The following MEGF11 variants were observed in gnomAD, a reference collection of about 807,000 sequenced individuals.
The protein encoded by MEGF11 is multiple epidermal growth factor-like domains protein 11.
MEGF11 carries 126 observed loss-of-function variants against 146.6 expected under a neutral mutation model. The ratio of observed to expected loss-of-function variants is 0.86; its 90% confidence interval spans 0.74 to 1.00. MEGF11 has a LOEUF of 1.00. MEGF11 is among the 50% of genes least tolerant of loss of function. The probability of loss-of-function intolerance (pLI) is 0.00; values close to 1 mark genes in which losing one functional copy is unlikely to be tolerated. For synonymous variants in MEGF11, 532 were observed against 583.4 expected, an observed-to-expected ratio of 0.91 and a Z score of 1.27; for missense variants, 1,509 against 1,521.2, an observed-to-expected ratio of 0.99 and a Z score of 0.13.
At chr15:65,974,495 T>TA (rs1486815830) in intron 7 of MEGF11, among the ~76,000 whole-genome samples, 3 of 151,920 alleles carry the variant, frequency 2.0e-5, no homozygotes, top group East Asian at 1.9e-4. Context: ...CCATCTCTAG[T>TA]AAAAAATACA....
At chr15:66,146,399 A>G (rs1378665770) in intron 1 of MEGF11, among the ~76,000 whole-genome samples, 1 of 152,204 alleles carries the variant, frequency 6.6e-6, no homozygotes, top group African/African-American at 2.4e-5. Context: ...AGCAGACTAC[A>G]ACTTTTAATT....
intron 1 of MEGF11, among the ~76,000 whole-genome samples, chr15:66,162,718 G>C (rs1282979071): frequency 6.6e-6 from 1 of 152,100 alleles, no homozygotes; most frequent in Non-Finnish European, 1.5e-5. Context: ...GTCTGGGTGG[G>C]GCCACACAGG....
chr15:65,906,049 C>A, intron 24 of MEGF11, 36 bp downstream of exon 24: 1 of 1,550,928 alleles, frequency 6.4e-7, no homozygotes, highest in Non-Finnish European at 8.9e-7. Context: ...TCTTGCTAAG[C>A]CCTCTGTAAT....
intron 4 of MEGF11, among the ~76,000 whole-genome samples, chr15:66,111,104 A>G (rs2087375315): frequency 6.6e-6 from 1 of 152,218 alleles, no homozygotes; most frequent in African/African-American, 2.4e-5. Context: ...TGGACAAGTC[A>G]CTTAGCCTCT....
intron 5 of MEGF11, among the ~76,000 whole-genome samples, chr15:65,993,354 C>T (rs1480241206): frequency 6.6e-6 from 1 of 152,184 alleles, no homozygotes; most frequent in Admixed American, 6.5e-5. Context: ...GCTCAAAGCC[C>T]TCCCCTCCAC....
chr15:66,140,887 C>T (rs148705049), intron 1 of MEGF11, among the ~76,000 whole-genome samples: 84 of 152,228 alleles, frequency 5.5e-4, no homozygotes, highest in South Asian at 2.5e-3. Flanking sequence ...CGGGGACTTG[C>T]GAGCCCTTAC....
chr15:66,130,912 G>C (rs1014332954), intron 1 of MEGF11, among the ~76,000 whole-genome samples: 2 of 152,170 alleles, frequency 1.3e-5, no homozygotes, highest in Admixed American at 1.3e-4. Flanking sequence ...ATGACTGAGG[G>C]AAAATCAATC....
At position 66,224,305 on chromosome 15, in the gene MEGF11, T is replaced by G. The variant is rs143780409; in HGVS notation, c.-9+29300A>C. 5.3e-3 allele frequency among the ~76,000 whole-genome samples: 800 copies of G among 152,282 alleles called. 6 individuals are homozygous for G. Among genetic ancestry groups the G allele is most frequent in the African/African-American group, 0.017 (705 of 41,550 alleles). ...ATATAAAGTATCTGGCCGAGCACAGTGGCTCATGTCTGTAATCCCAGCACT... is the reference window on the plus strand; with the variant it reads ...ATATAAAGTATCTGGCCGAGCACAGGGGCTCATGTCTGTAATCCCAGCACT... On this transcript the variant is annotated intron_variant, in intron 1 of 25. Coordinates refer to ENST00000395614, the MANE Select transcript of MEGF11 (RefSeq NM_001385028.1).
At chr15:65,992,278 A>G (rs1302825015) in intron 5 of MEGF11, among the ~76,000 whole-genome samples, 1 of 152,160 alleles carries the variant, frequency 6.6e-6, no homozygotes, top group African/African-American at 2.4e-5. Flanking sequence ...GAGCAGTTTT[A>G]TCAGAGCCGG....
In MEGF11 at chr15:65,915,549, G is replaced by A. The variant is rs1461326090; in HGVS notation, c.2394C>T (p.Cys798=). ...FGYGCQQLCE[C]MNNSTCDHVT... ...CATGGTCACAGGTGGAGTTGTTCAT[G>A]CACTCACATAGCTGCTGACACCCAT... Residue 798 remains cysteine, a synonymous_variant, in exon 19 of 26, where the codon TGC becomes TGT. Transcript: ENST00000395614. The A allele has an allele frequency of 6.2e-7, 1 of 1,613,942 alleles. No individual in the cohort carries two copies.
intron 1 of MEGF11, among the ~76,000 whole-genome samples, chr15:66,203,908 T>C (rs1035165607): frequency 6.6e-6 from 1 of 152,198 alleles, no homozygotes; most frequent in African/African-American, 2.4e-5. Flanking sequence ...TGGAGATGTA[T>C]GTTGACATAG....
At chr15:66,190,001 GC>G (rs1159540898) in intron 1 of MEGF11, among the ~76,000 whole-genome samples, 1 of 152,140 alleles carries the variant, frequency 6.6e-6, no homozygotes, top group Non-Finnish European at 1.5e-5. Context: ...ATTGTATAAA[GC>G]CCAGTGACCT....
intron 5 of MEGF11, among the ~76,000 whole-genome samples, chr15:65,994,760 A>C (rs2082152168): frequency 6.6e-6 from 1 of 152,210 alleles, no homozygotes; most frequent in Non-Finnish European, 1.5e-5. Flanking sequence ...CAGCAGGTTC[A>C]CTGGCTCTGC....
chr15:66,040,854 G>A (rs1006390209), intron 5 of MEGF11, among the ~76,000 whole-genome samples: 1 of 152,024 alleles, frequency 6.6e-6, no homozygotes, highest in Non-Finnish European at 1.5e-5. Context: ...GGGAAAATGG[G>A]GCTGAAATCT....
intron 15 of MEGF11, among the ~76,000 whole-genome samples, chr15:65,918,431 G>C (rs1567156413): frequency 6.6e-6 from 1 of 152,246 alleles, no homozygotes; most frequent in African/African-American, 2.4e-5. Context: ...TCACAGTCCA[G>C]TGCTCCCTGT....
intron 1 of MEGF11, among the ~76,000 whole-genome samples, chr15:66,138,788 G>A (rs890621378): frequency 1.3e-5 from 2 of 152,230 alleles, no homozygotes; most frequent in African/African-American, 2.4e-5. Context: ...AGATGCCAAA[G>A]AGACACAGGT....
At chr15:65,899,020 T>A in intron 24 of MEGF11, 86 bp from the exon 25 acceptor site, 1 of 1,328,484 alleles carries the variant, frequency 7.5e-7, no homozygotes, top group Non-Finnish European at 1.1e-6. Context: ...TGAGTTTATG[T>A]GCCTTCAGGA....
At chr15:66,051,604 T>G (rs1195272774) in intron 5 of MEGF11, among the ~76,000 whole-genome samples, 1 of 152,216 alleles carries the variant, frequency 6.6e-6, no homozygotes, top group Non-Finnish European at 1.5e-5. Flanking sequence ...CACTTCAGAT[T>G]TGCCATGCCC....
At chr15:66,132,208 C>T (rs759766715) in intron 1 of MEGF11, among the ~76,000 whole-genome samples, 13 of 152,174 alleles carry the variant, frequency 8.5e-5, no homozygotes, top group Admixed American at 2.0e-4. Flanking sequence ...AGCACCAGCA[C>T]CTGTGGAGGC....
Sources: allele counts gnomAD v4.1 joint callset (sites outside exome capture counted in the v4.1 genomes callset), GRCh38; gene constraint gnomAD v4.1.1; transcripts MANE v1.5; gene names NCBI Gene and HGNC (gene_info 2026-07-23, HGNC 2026-07-21).